Variants in FMO5 observed in about 807,000 individuals in gnomAD.
FMO5 encodes flavin containing dimethylaniline monoxygenase 5.
Under a neutral mutation model 43.6 loss-of-function variants are expected in FMO5, and 51 were observed. The observed-to-expected ratio is 1.17, with a 90% CI of 0.93 to 1.48. The LOEUF (loss-of-function observed/expected upper bound fraction) is 1.48. Ranked by LOEUF, FMO5 falls within the 40% of genes most tolerant of loss-of-function variation. The pLI is 0.00. For synonymous variants in FMO5, 187 were observed against 216.5 expected, an observed-to-expected ratio of 0.86 and a Z score of 1.20; for missense variants, 644 against 643.0, an observed-to-expected ratio of 1.00 and a Z score of -0.02.
chr1:147,217,208 C>T (rs1662159585), intron 2 of FMO5, among the ~76,000 whole-genome samples: 1 of 150,914 alleles, frequency 6.6e-6, no homozygotes, highest in Admixed American at 6.6e-5. Context: ...CATTGCACTC[C>T]AGCCTGGGCA....
At chr1:147,221,845 A>G (rs1234498228) in intron 2 of FMO5, among the ~76,000 whole-genome samples, 1 of 152,234 alleles carries the variant, frequency 6.6e-6, no homozygotes, top group African/African-American at 2.4e-5. Context: ...AAATCCTTCG[A>G]AACACCTGAT....
rs782678465 is a variant in FMO5, at chr1:147,201,326, G to C, written c.1009C>G (p.Pro337Ala). Residue 337 changes from proline to alanine, a missense_variant, in exon 7 of 9, where the codon CCA (proline) becomes GCA (alanine). Physicochemically the swap from Pro to Ala is conservative, Grantham distance 27. Transcript: ENST00000254090. ...ACTTTGACGGAATCTTCCAGAAATG[G>C]AAAGTCAAAGCTATAGCCTGTGGCA... Reference protein sequence around the residue: ...IFATGYSFDFPFLEDSVKVVK... With the variant: ...IFATGYSFDFAFLEDSVKVVK... 6.2e-7 allele frequency: 1 copy of C among 1,614,156 alleles called. No individual in the cohort carries two copies. Among genetic ancestry groups the C allele is most frequent in the South Asian group, 1.1e-5 (1 of 91,078 alleles).
At chr1:147,193,919 A>T (rs1401066727) in intron 7 of FMO5, among the ~76,000 whole-genome samples, 1 of 152,076 alleles carries the variant, frequency 6.6e-6, no homozygotes. Flanking sequence ...GGAGTGCTTT[A>T]CTTCCAACTA....
At chr1:147,198,505 C>T (rs587646136) in intron 7 of FMO5, among the ~76,000 whole-genome samples, 10 of 152,174 alleles carry the variant, frequency 6.6e-5, no homozygotes, top group Non-Finnish European at 1.0e-4. Flanking sequence ...TTAGTGGGTA[C>T]GTCATCCAGT....
rs1348861978 is a variant in FMO5, at chr1:147,212,530, C to T, written c.493G>A (p.Glu165Lys). 5 of 1,611,414 alleles carry T rather than the reference C, an allele frequency of 3.1e-6. No individual in the cohort carries two copies. In the African/African-American group the frequency reaches 5.3e-5, roughly 17 times the overall value. The change falls in exon 5 of 9, where the codon GAG becomes AAG. Residue 165 changes from glutamate to lysine, a missense_variant. By Grantham distance (56) the Glu-to-Lys change is moderately conservative (BLOSUM62 1). Transcript: ENST00000254090. ...TGGAAGTACTGCCCTTTGAACTTCT[C>T]AATTCCTGCAAGAGAAGGGAAAATA... Reference protein sequence around the residue: ...HLPLESFPGIEKFKGQYFHSR... With the variant: ...HLPLESFPGIKKFKGQYFHSR...
intron 2 of FMO5, among the ~76,000 whole-genome samples, chr1:147,221,712 G>T (rs1425245349): frequency 6.6e-6 from 1 of 152,210 alleles, no homozygotes; most frequent in Non-Finnish European, 1.5e-5. Flanking sequence ...TCCACAGCAG[G>T]TCTGTTGGGA....
chr1:147,219,827 C>A (rs1662677246), intron 2 of FMO5, among the ~76,000 whole-genome samples: 2 of 140,376 alleles, frequency 1.4e-5, no homozygotes, highest in South Asian at 2.3e-4. Flanking sequence ...GGTTAACATA[C>A]AAATGTTAAT....
intron 1 of FMO5, 63 bp downstream of exon 1, chr1:147,225,224 G>C: frequency 7.1e-7 from 1 of 1,405,590 alleles, no homozygotes; most frequent in East Asian, 2.6e-5. Context: ...CTGCTGGCAT[G>C]GGGGAGCCCT....
intron 7 of FMO5, among the ~76,000 whole-genome samples, chr1:147,200,156 T>G (rs782376863): frequency 6.6e-6 from 1 of 152,212 alleles, no homozygotes; most frequent in Non-Finnish European, 1.5e-5. Context: ...CATTGGCTGA[T>G]AGGAAAAAGG....
chr1:147,216,795 A>C (rs1309332752), intron 2 of FMO5, among the ~76,000 whole-genome samples: 2 of 152,204 alleles, frequency 1.3e-5, no homozygotes, highest in Non-Finnish European at 2.9e-5. Flanking sequence ...GCCCCACCTC[A>C]GACCTACTGA....
At chr1:147,224,616 C>T (rs1049028091) in intron 2 of FMO5, among the ~76,000 whole-genome samples, 6 of 152,016 alleles carry the variant, frequency 3.9e-5, no homozygotes, top group Non-Finnish European at 8.8e-5. Context: ...TTCACCCCAT[C>T]CTCCTGCCTT....
In FMO5 at chr1:147,225,077, G is replaced by C; in HGVS notation, c.-37-11C>G. ...TTAGTGTCGCCTGTCCTAAAGAAAGGATGACAAAAGACAAAAAGCACACAT... is the reference window on the plus strand; with the variant it reads ...TTAGTGTCGCCTGTCCTAAAGAAAGCATGACAAAAGACAAAAAGCACACAT... On this transcript the variant is annotated splice_polypyrimidine_tract_variant and intron_variant, in intron 1 of 8. Transcript: ENST00000254090. 1 of 1,612,404 alleles carries C rather than the reference G, an allele frequency of 6.2e-7. No individual in the cohort carries two copies. Among genetic ancestry groups the C allele is most frequent in the Non-Finnish European group, 8.5e-7 (1 of 1,179,308 alleles).
chr1:147,216,293 T>A (rs1174540530), intron 2 of FMO5, among the ~76,000 whole-genome samples: 1 of 152,170 alleles, frequency 6.6e-6, no homozygotes, highest in African/African-American at 2.4e-5. Context: ...AAGTCCAGCC[T>A]CACCACATGA....
At chr1:147,206,937 A>AAT (rs1474988387) in intron 6 of FMO5, among the ~76,000 whole-genome samples, 5 of 151,782 alleles carry the variant, frequency 3.3e-5, no homozygotes, top group East Asian at 1.9e-4. Context: ...GTATAATAAA[A>AAT]ATATATATAT....
intron 5 of FMO5, among the ~76,000 whole-genome samples, chr1:147,211,859 G>A (rs1400493262): frequency 6.6e-6 from 1 of 152,242 alleles, no homozygotes; most frequent in Non-Finnish European, 1.5e-5. Context: ...ATGTGCTACA[G>A]TTTGGACGCT....
At chr1:147,220,441 A>G (rs1662806420) in intron 2 of FMO5, among the ~76,000 whole-genome samples, 1 of 152,198 alleles carries the variant, frequency 6.6e-6, no homozygotes, top group African/African-American at 2.4e-5. Context: ...CCAAGCTAAC[A>G]CATGGATTCT....
intron 7 of FMO5, among the ~76,000 whole-genome samples, chr1:147,196,139 T>G (rs1553919733): frequency 6.6e-6 from 1 of 152,166 alleles, no homozygotes. Flanking sequence ...TCACATTCTC[T>G]GCCATCTTGG....
At chr1:147,224,815 G>T in intron 2 of FMO5, 80 bp downstream of exon 2, 1 of 1,439,282 alleles carries the variant, frequency 6.9e-7, no homozygotes, top group Non-Finnish European at 9.7e-7. Context: ...CCGGCCACCT[G>T]ACACTGTTAA....
rs1553924827 is a variant in FMO5 at position 147,215,737 on chromosome 1, C to A, written c.324+17G>T. 1.9e-6 allele frequency: 3 copies of A among 1,559,938 alleles called. No individual in the cohort carries two copies. Among genetic ancestry groups the A allele is most frequent in the Non-Finnish European group, 2.6e-6 (3 of 1,148,206 alleles). On this transcript the variant is annotated intron_variant, in intron 3 of 8. Coordinates refer to ENST00000254090, the MANE Select transcript of FMO5 (RefSeq NM_001461.4). ...GCAAACAACTTCAAACACAAAGATA[C>A]CCACACAATTTTCTACCTTAAATCG...
Sources: allele counts gnomAD v4.1 joint callset (sites outside exome capture counted in the v4.1 genomes callset), GRCh38; gene constraint gnomAD v4.1.1; transcripts MANE v1.5; gene names NCBI Gene and HGNC (gene_info 2026-07-23, HGNC 2026-07-21).